LSR: variants seen among roughly 807,000 people sequenced by gnomAD.
LSR encodes lipolysis-stimulated lipoprotein receptor.
In LSR, 44 loss-of-function variants were observed where a neutral mutation model predicts 61.8. The ratio of observed to expected loss-of-function variants is 0.71; its 90% confidence interval spans 0.56 to 0.91. LSR has a LOEUF of 0.91. Among genes scored for constraint, LSR ranks in the 40% least tolerant of loss-of-function variants. LSR has a pLI of 0.00. For synonymous variants in LSR, 397 were observed against 350.6 expected (o/e 1.13, Z -1.48); for missense variants, 911 against 830.5 (o/e 1.10, Z -1.19).
intron 2 of LSR, among the ~76,000 whole-genome samples, chr19:35,257,556 T>C (rs1311083083): frequency 2.0e-5 from 3 of 152,138 alleles, no homozygotes; most frequent in African/African-American, 7.2e-5. Context: ...TGCCAGGTGC[T>C]GTGGACTGCA....
chr19:35,264,471 T>C (rs1314150834), intron 5 of LSR: 1 of 152,236 alleles, frequency 6.6e-6, no homozygotes, highest in African/African-American at 2.4e-5. Flanking sequence ...CAGACCACAG[T>C]GTGTACACTA....
Position 35,267,648 on chromosome 19 carries a change from G to A in LSR, c.1684G>A (p.Glu562Lys). The A allele has an allele frequency of 3.1e-6, 5 of 1,610,418 alleles. No individual in the cohort carries two copies. The South Asian group carries it at 3.3e-5, about 11-fold the overall frequency. Reference sequence around the variant, plus strand: ...GGAGAGGAGGAGACCCCACAAGGAGGAGGAGGAAGAGGCCTACTACCCGCC... The same window carrying A: ...GGAGAGGAGGAGACCCCACAAGGAGAAGGAGGAAGAGGCCTACTACCCGCC... ...SEERRRPHKE[E>K]EEEAYYPPAP... Residue 562 changes from glutamate to lysine, a missense_variant, in exon 9 of 10, where the codon GAG becomes AAG. Glu to Lys is a moderately conservative substitution (Grantham distance 56). Transcript: ENST00000605618.
At chr19:35,260,689 T>C (rs1172147720) in intron 3 of LSR, among the ~76,000 whole-genome samples, 1 of 152,104 alleles carries the variant, frequency 6.6e-6, no homozygotes, top group Admixed American at 6.5e-5. Flanking sequence ...TAACCAGGCA[T>C]GGTGGCATGC....
chr19:35,260,139 C>T (rs1422498419), intron 3 of LSR, among the ~76,000 whole-genome samples: 1 of 152,180 alleles, frequency 6.6e-6, no homozygotes, highest in East Asian at 1.9e-4. Context: ...CGGTAAAATG[C>T]ACCATTTGCA....
intron 4 of LSR, 96 bp from the exon 5 acceptor site, chr19:35,262,450 G>A (rs1307139134): frequency 1.6e-5 from 22 of 1,410,958 alleles, no homozygotes; most frequent in Middle Eastern, 1.8e-4. Flanking sequence ...AATCGTCCCC[G>A]ACCTCAGTGC....
rs956284991 is a variant in LSR at position 35,266,841 on chromosome 19, C to A, written c.1018C>A (p.Arg340Ser). ...CACCACCCCCCTGTCCCTAGAAGTC[C>A]GCAGTGGCTACAGGATTCAGGCCAG... ...DTDSSVASEV[R>S]SGYRIQASQQ... Residue 340 changes from arginine (R) to serine (S), a missense_variant, in exon 8 of 10, where the codon CGC becomes AGC. By Grantham distance (110) the Arg-to-Ser change is moderately radical (BLOSUM62 -1). Coordinates refer to ENST00000605618, the MANE Select transcript of LSR (RefSeq NM_205834.4). 4 of 1,608,004 alleles carry A rather than the reference C, an allele frequency of 2.5e-6. No homozygotes were observed. The highest frequency in any genetic ancestry group is 2.5e-6 in the Non-Finnish European group (3 of 1,177,040).
intron 1 of LSR, 115 bp from the exon 2 acceptor site, chr19:35,250,200 C>T (rs1252822577): frequency 7.7e-6 from 5 of 652,596 alleles, no homozygotes; most frequent in African/African-American, 1.8e-5. Flanking sequence ...CAATGTGTGC[C>T]AGGCACTCTG....
chr19:35,257,998 TG>T (rs1164089447), intron 2 of LSR, among the ~76,000 whole-genome samples: 3 of 152,162 alleles, frequency 2.0e-5, no homozygotes, highest in African/African-American at 7.2e-5. Flanking sequence ...CCACTCCTTA[TG>T]GGTGCCTGGG....
chr19:35,257,306 C>T (rs937892414), intron 2 of LSR, among the ~76,000 whole-genome samples: 2 of 152,060 alleles, frequency 1.3e-5, no homozygotes, highest in Non-Finnish European at 1.5e-5. Flanking sequence ...GTGGGGGAGC[C>T]GTGGGAGAAG....
chr19:35,267,396 C>T lies in LSR; in HGVS notation c.1432C>T (p.Pro478Ser), dbSNP rs769828798. The T allele has an allele frequency of 2.5e-6, 4 of 1,607,020 alleles. No homozygotes were observed. The South Asian group carries it at 4.4e-5, about 18-fold the overall frequency. The change falls in exon 9 of 10, where the codon CCG becomes TCG. Residue 478 changes from proline (P) to serine (S), a missense_variant. Physicochemically the swap from Pro to Ser is moderately conservative, Grantham distance 74 (BLOSUM62 -1). Coordinates refer to ENST00000605618, the MANE Select transcript of LSR (RefSeq NM_205834.4). ...NGGRSRAYMP[P>S]RSRSRDDLYD... Reference sequence around the variant, plus strand: ...TGGGAGAAGCCGGGCCTACATGCCCCCGCGGAGCCGCAGCCGGGACGACCT... The same window carrying T: ...TGGGAGAAGCCGGGCCTACATGCCCTCGCGGAGCCGCAGCCGGGACGACCT...
chr19:35,266,862 G>A lies in LSR; in HGVS notation c.1039G>A (p.Ala347Thr). ...AGTCCGCAGTGGCTACAGGATTCAG[G>A]CCAGCCAGCAGGACGACTCCATGCG... ...SEVRSGYRIQ[A>T]SQQDDSMRVL... is the part of the protein sequence containing the mutation. Residue 347 changes from alanine to threonine, a missense_variant, in exon 8 of 10, where the codon GCC (alanine) becomes ACC (threonine). Ala to Thr is a moderately conservative substitution (Grantham distance 58). Transcript: ENST00000605618. 1 of 1,610,786 alleles carries A rather than the reference G, an allele frequency of 6.2e-7. No individual in the cohort carries two copies. Among genetic ancestry groups the A allele is most frequent in the African/African-American group, 1.3e-5 (1 of 74,966 alleles).
intron 2 of LSR, chr19:35,253,777 G>C (rs1175241007): frequency 6.6e-6 from 1 of 152,346 alleles, no homozygotes; most frequent in Non-Finnish European, 1.5e-5. Context: ...GATTGTGCCT[G>C]CCTGGACCAG....
chr19:35,250,715 CGTCCTTGTGCGGGACCTGGA>C, intron 2 of LSR, 56 bp downstream of exon 2: 1 of 1,376,242 alleles, frequency 7.3e-7, no homozygotes, highest in South Asian at 1.5e-5. Flanking sequence ...GTGGGACTGG[CGTCCTTGTGCGGGACCTGGA>C]GTCCCCATCT....
rs762922266 is a variant in LSR, at chr19:35,250,633, A to G, written c.428A>G (p.Gln143Arg). ...GCTGTGACCCTGGGAGATTACTACC[A>G]GGGCCGGAGGATTACCATCACCGGA... is the stretch of plus-strand genomic sequence containing the variant. ...GNAVTLGDYY[Q>R]GRRITITGNA... Residue 143 changes from glutamine to arginine, a missense_variant, in exon 2 of 10, where the codon CAG becomes CGG. By Grantham distance (43) the Gln-to-Arg change is conservative. Transcript: ENST00000605618. 1.9e-6 allele frequency: 3 copies of G among 1,574,540 alleles called. No individual in the cohort carries two copies. Among genetic ancestry groups the G allele is most frequent in the Non-Finnish European group, 2.6e-6 (3 of 1,153,712 alleles).
rs576945426 is a variant in LSR, at chr19:35,267,093, C to G, written c.1145-16C>G. Reference sequence around the variant, plus strand: ...CGGGCTCCTCCAGCAGTCAGTGACACCCCCCTTCCCTGCAGCCATGAGTGA... The same window carrying G: ...CGGGCTCCTCCAGCAGTCAGTGACAGCCCCCTTCCCTGCAGCCATGAGTGA... On this transcript the variant is annotated splice_polypyrimidine_tract_variant and intron_variant, in intron 8 of 9. Coordinates refer to ENST00000605618, the MANE Select transcript of LSR (RefSeq NM_205834.4). 6.6e-7 allele frequency: 1 copy of G among 1,524,040 alleles called. No individual in the cohort carries two copies. Among genetic ancestry groups the G allele is most frequent in the Admixed American group, 2.2e-5 (1 of 44,968 alleles). 94.4% of individuals were successfully genotyped at this position (1,524,040 alleles called of 1,614,324 possible). A position where few individuals can be genotyped will look rare whatever the true frequency, so the allele number is the denominator to read the frequency against.
Position 35,260,075 on chromosome 19 carries a change from T to C in LSR, c.574+1011T>C, listed in dbSNP as rs138085356. Among the ~76,000 whole-genome samples the C allele has an allele frequency of 2.0e-3, 309 of 152,308 alleles. 3 individuals carry two copies. Among genetic ancestry groups the C allele is most frequent in the African/African-American group, 6.7e-3 (280 of 41,566 alleles). The stretch of plus-strand genomic sequence containing the variant: ...TACTTGGGCTGCAAGACAGAGTTCA[T>C]GTGTGGGGGATGGAACACGTGCACC... On this transcript the variant is annotated intron_variant, in intron 3 of 9. Coordinates refer to ENST00000605618, the MANE Select transcript of LSR (RefSeq NM_205834.4).
chr19:35,260,409 A>G (rs1418968289), intron 3 of LSR, among the ~76,000 whole-genome samples: 5 of 146,630 alleles, frequency 3.4e-5, no homozygotes, highest in Admixed American at 7.1e-5. Flanking sequence ...CTCCTGCCTC[A>G]GCCTCCCAGG....
At chr19:35,254,138 G>A (rs1477324456) in intron 2 of LSR, among the ~76,000 whole-genome samples, 2 of 152,174 alleles carry the variant, frequency 1.3e-5, no homozygotes, top group Non-Finnish European at 2.9e-5. Flanking sequence ...CTGTTGCCCA[G>A]GCTGGAGTGC....
chr19:35,256,699 GATGAATGAATGAATGA>G (rs71167530), intron 2 of LSR, among the ~76,000 whole-genome samples: 1 of 150,618 alleles, frequency 6.6e-6, no homozygotes, highest in African/African-American at 2.5e-5. Flanking sequence ...ATTGTTGAAG[GATGAATGAATGAATGA>G]ATGAATGAAT....
Sources: allele counts gnomAD v4.1 joint callset (sites outside exome capture counted in the v4.1 genomes callset), GRCh38; gene constraint gnomAD v4.1.1; transcripts MANE v1.5; gene names NCBI Gene and HGNC (gene_info 2026-07-23, HGNC 2026-07-21).